The following GNL2 variants were observed in gnomAD, a reference collection of about 807,000 sequenced individuals.
The protein encoded by GNL2 is G protein nucleolar 2, also known as nucleolar GTP-binding protein 2.
In GNL2, 51 loss-of-function variants were observed where a neutral mutation model predicts 92.3. The observed-to-expected ratio is 0.55, with a 90% CI of 0.44 to 0.70. GNL2 has a LOEUF of 0.70. Ranked by LOEUF, GNL2 falls within the 30% of genes least tolerant of loss-of-function variation. The probability of loss-of-function intolerance (pLI) is 0.00; values close to 1 mark genes in which losing one functional copy is unlikely to be tolerated. For missense variants in GNL2, 844 were observed against 895.6 expected (o/e 0.94, Z 0.74); for synonymous variants, 283 against 300.6 (o/e 0.94, Z 0.61).
chr1:37,589,768 C>G (rs1643876939), intron 4 of GNL2, among the ~76,000 whole-genome samples: 1 of 152,156 alleles, frequency 6.6e-6, no homozygotes. Context: ...AAACTCATTC[C>G]ACTCAACCCA....
intron 8 of GNL2, among the ~76,000 whole-genome samples, chr1:37,580,998 A>C (rs1643757794): frequency 7.0e-6 from 1 of 143,638 alleles, no homozygotes; most frequent in Non-Finnish European, 1.6e-5. Context: ...CCAAGTTAAA[A>C]CAACAACAAC....
At chr1:37,571,179 G>A (rs1020151310) in intron 12 of GNL2, among the ~76,000 whole-genome samples, 1 of 152,176 alleles carries the variant, frequency 6.6e-6, no homozygotes, top group Non-Finnish European at 1.5e-5. Flanking sequence ...TTGACAAGAA[G>A]TATCTGCCAA....
At chr1:37,579,301 A>T (rs56747724) in intron 8 of GNL2, among the ~76,000 whole-genome samples, 1 of 151,988 alleles carries the variant, frequency 6.6e-6, no homozygotes, top group African/African-American at 2.4e-5. Flanking sequence ...TAATCCCAGC[A>T]CTCTGGGAGG....
intron 12 of GNL2, 43 bp from the exon 13 acceptor site, chr1:37,569,345 A>G (rs760735254): frequency 7.5e-7 from 1 of 1,330,648 alleles, no homozygotes; most frequent in South Asian, 1.3e-5. Flanking sequence ...GAATCAGAAA[A>G]TGAAAAATGG....
intron 4 of GNL2, among the ~76,000 whole-genome samples, chr1:37,589,886 T>G (rs1321392794): frequency 2.0e-5 from 3 of 152,186 alleles, no homozygotes; most frequent in Non-Finnish European, 4.4e-5. Context: ...AAGCTGAACG[T>G]ACGCAACACC....
chr1:37,578,992 C>G (rs1304755367), intron 8 of GNL2, among the ~76,000 whole-genome samples: 2 of 152,066 alleles, frequency 1.3e-5, no homozygotes, highest in Admixed American at 6.5e-5. Flanking sequence ...GAACAAGACC[C>G]TGTCTCAAAA....
chr1:37,587,850 ATCTTTTCCACCAT>A (rs1643866165), intron 4 of GNL2, among the ~76,000 whole-genome samples: 1 of 152,254 alleles, frequency 6.6e-6, no homozygotes, highest in African/African-American at 2.4e-5. Context: ...GTGAAAATTA[ATCTTTTCCACCAT>A]TTTTTATAGC....
At position 37,568,360 on chromosome 1, in the gene GNL2, G is replaced by A. The variant is rs1330839261; in HGVS notation, c.1869-3C>T. 1.3e-6 allele frequency: 2 copies of A among 1,597,566 alleles called. No homozygotes were observed. Among genetic ancestry groups the A allele is most frequent in the Non-Finnish European group, 1.7e-6 (2 of 1,165,070 alleles). ...TTTCACTCAGTCCCTTGGATATTCT[G>A]AAACAGAAAAGCAAAGTAACATTCC... On this transcript the variant is annotated splice_region_variant and splice_polypyrimidine_tract_variant and intron_variant, in intron 13 of 15. Transcript: ENST00000373062.
rs780218517 is a variant in GNL2 at position 37,587,425 on chromosome 1, C to T, written c.455G>A (p.Arg152Gln). The T allele has an allele frequency of 7.4e-6, 12 of 1,613,252 alleles. No individual in the cohort carries two copies. The highest frequency in any genetic ancestry group is 3.3e-5 in the Admixed American group (2 of 59,980). ...CATATCACTTGCAAATAAGTTTGGT[C>T]GTTTCCTCTGTGACTTAGGGCCAAA... ...TTFGPKSQRK[R>Q]PNLFASDMQS... The change falls in exon 5 of 16, where the codon CGA becomes CAA. Residue 152 changes from arginine to glutamine, a missense_variant. Transcript: ENST00000373062.
intron 8 of GNL2, among the ~76,000 whole-genome samples, chr1:37,576,788 A>G (rs1458388483): frequency 6.6e-6 from 1 of 152,206 alleles, no homozygotes; most frequent in African/African-American, 2.4e-5. Context: ...TTATCCTTGT[A>G]TGTGTTAAGG....
chr1:37,591,432 G>A (rs1006906253), intron 3 of GNL2, among the ~76,000 whole-genome samples: 2 of 152,066 alleles, frequency 1.3e-5, no homozygotes, highest in African/African-American at 2.4e-5. Flanking sequence ...TGGTAATGAC[G>A]GTAGCAAGTA....
chr1:37,569,934 T>C (rs1354658745), intron 12 of GNL2: 1 of 152,280 alleles, frequency 6.6e-6, no homozygotes, highest in Non-Finnish European at 1.5e-5. Context: ...AAGGGCAGTT[T>C]CCCTGGACAC....
In GNL2 at chr1:37,583,862, C is replaced by T. The variant is rs370083768; in HGVS notation, c.636+5G>A. 2.6e-6 allele frequency: 4 copies of T among 1,516,992 alleles called. No homozygotes were observed. Among genetic ancestry groups the T allele is most frequent in the Non-Finnish European group, 3.7e-6 (4 of 1,091,018 alleles). 94.0% of individuals were successfully genotyped at this position (1,516,992 alleles called of 1,614,324 possible). ...ACTCAATGGGAGAGAATTTAGGAGT[C>T]TTACCTTGTAGAGCTCACCCCATAT... On this transcript the variant is annotated splice_donor_5th_base_variant and intron_variant, in intron 6 of 15. Coordinates refer to ENST00000373062, the MANE Select transcript of GNL2 (RefSeq NM_013285.3).
At chr1:37,572,147 T>C (rs577971268) in intron 12 of GNL2, among the ~76,000 whole-genome samples, 1 of 151,734 alleles carries the variant, frequency 6.6e-6, no homozygotes, top group Non-Finnish European at 1.5e-5. Context: ...ACTCCTCATC[T>C]CCCCCAAACC....
At position 37,575,333 on chromosome 1, in the gene GNL2, A is replaced by T. The variant is rs773182796; in HGVS notation, c.1143+262T>A. ...GAAGACGAATTATCGCTAAGCATAA[A>T]CAGGCCCTGCTTCCCTTTGGATCCT... On this transcript the variant is annotated intron_variant, in intron 10 of 15. Coordinates refer to ENST00000373062, the MANE Select transcript of GNL2 (RefSeq NM_013285.3). The surrounding 1 kb of genome is among the most constrained non-coding windows in gnomAD (Gnocchi z 4.1). Among the ~76,000 whole-genome samples, 2 of 152,244 alleles carry T rather than the reference A, an allele frequency of 1.3e-5. No individual in the cohort carries two copies. The highest frequency in any genetic ancestry group is 2.9e-5 in the Non-Finnish European group (2 of 68,048).
At position 37,574,823 on chromosome 1, in the gene GNL2, C is replaced by G. The variant is rs750266164; in HGVS notation, c.1144G>C (p.Val382Leu). 9 of 1,605,606 alleles carry G rather than the reference C, an allele frequency of 5.6e-6. No homozygotes were observed. Residue 382 changes from valine to leucine, a missense_variant and splice_region_variant, in exon 11 of 16, where the codon GTT becomes CTT. Val to Leu is a conservative substitution (Grantham distance 32). Transcript: ENST00000373062. ...GGACTCTTAATTTTTTCTACTTGAA[C>G]CTAAATGTTAATAGGAAATCTCTCA... The part of the protein sequence containing the change: ...SETDIVLKGV[V>L]QVEKIKSPED...
rs1225104284 is a variant in GNL2, at chr1:37,574,804, T to C, written c.1163A>G (p.Lys388Arg). The C allele has an allele frequency of 2.5e-6, 4 of 1,610,436 alleles. No individual in the cohort carries two copies. The South Asian group carries it at 4.4e-5, about 18-fold the overall frequency. Residue 388 changes from lysine (K) to arginine (R), a missense_variant, in exon 11 of 16, where the codon AAG (lysine) becomes AGG (arginine). Coordinates refer to ENST00000373062, the MANE Select transcript of GNL2 (RefSeq NM_013285.3). The stretch of plus-strand genomic sequence containing the variant: ...AGCACCAATGTGGTCTTCAGGACTC[T>C]TAATTTTTTCTACTTGAACCTAAAT... ...LKGVVQVEKI[K>R]SPEDHIGAVL...
At position 37,587,456 on chromosome 1, in the gene GNL2, T is replaced by A; in HGVS notation, c.424A>T (p.Thr142Ser). The A allele has an allele frequency of 6.2e-7, 1 of 1,612,934 alleles. No homozygotes were observed. Among genetic ancestry groups the A allele is most frequent in the Admixed American group, 1.7e-5 (1 of 59,914 alleles). ...CTCTGTGACTTAGGGCCAAATGTAG[T>A]TTCAAAACTTTCAGTATCAAGAATG... is the stretch of plus-strand genomic sequence containing the variant. ...VHILDTESFE[T>S]TFGPKSQRKR... Residue 142 changes from threonine (T) to serine (S), a missense_variant, in exon 5 of 16, where the codon ACT becomes TCT. Coordinates refer to ENST00000373062, the MANE Select transcript of GNL2 (RefSeq NM_013285.3).
At chr1:37,593,708 T>C in intron 2 of GNL2, 54 bp downstream of exon 2, 1 of 1,231,468 alleles carries the variant, frequency 8.1e-7, no homozygotes, top group Non-Finnish European at 1.2e-6. Context: ...CAGTCTCAGC[T>C]AGCAGTCAAG....
Sources: gnomAD v4.1 joint callset for allele counts (sites outside exome capture counted in the v4.1 genomes callset) on GRCh38, gnomAD v4.1.1 for gene constraint, Gnocchi (gnomAD v3.1) non-coding constraint, MANE v1.5 for transcripts, NCBI Gene and HGNC (gene_info 2026-07-23, HGNC 2026-07-21) for gene names.